Variants in FRMPD2 observed in about 807,000 individuals in gnomAD.
FRMPD2 encodes the protein FERM and PDZ domain containing 2.
Under a neutral mutation model 140.1 loss-of-function variants are expected in FRMPD2, and 96 were observed. The observed-to-expected ratio is 0.69, with a 90% CI of 0.58 to 0.81. The LOEUF is 0.81. Ranked by LOEUF, FRMPD2 falls within the 40% of genes least tolerant of loss-of-function variation. FRMPD2 has a pLI of 0.00. For missense variants in FRMPD2, 1,240 were observed against 1,447.4 expected, an observed-to-expected ratio of 0.86 and a Z score of 2.32; for synonymous variants, 449 against 547.6, an observed-to-expected ratio of 0.82 and a Z score of 2.52.
chr10:48,251,175 C>T (rs1400775901), intron 2 of FRMPD2, among the ~76,000 whole-genome samples: 1 of 152,074 alleles, frequency 6.6e-6, no homozygotes, highest in Non-Finnish European at 1.5e-5. Flanking sequence ...CCTGGGTGAC[C>T]ACACCCTGCC....
rs1472160067 is a variant in FRMPD2 at position 48,192,834 on chromosome 10, G to A, written c.2015C>T (p.Pro672Leu). The change falls in exon 16 of 29, where the codon CCT becomes CTT. Residue 672 changes from proline to leucine, a missense_variant. Pro to Leu is a moderately conservative substitution (Grantham distance 98). This residue lies in a region of FRMPD2 where 1,161 missense variants were observed against 1,055.9 expected (regional missense o/e 1.10). Coordinates refer to ENST00000374201, the MANE Select transcript of FRMPD2 (RefSeq NM_001018071.4). ...LSPAHQARSK[P>L]LIWIQRLSCS... ...TGACAATCTCTGAATCCAAATGAGA[G>A]GCTTAGACCGGGCCTGGTGTGCAGG... 18 of 1,614,172 alleles carry A rather than the reference G, an allele frequency of 1.1e-5. No homozygotes were observed. The highest frequency in any genetic ancestry group is 1.5e-5 in the Non-Finnish European group (18 of 1,180,030).
In FRMPD2 at chr10:48,195,696, T is replaced by G. The variant is rs560246655; in HGVS notation, c.1955-2802A>C. Among the ~76,000 whole-genome samples, 3 of 152,380 alleles carry G rather than the reference T, an allele frequency of 2.0e-5. No homozygotes were observed. The South Asian group carries it at 6.2e-4, about 32-fold the overall frequency. ...TCTTCCAGTGATATTTATCATATTA[T>G]TTGTAATACTTAAAAACAAAAAGTA... is the stretch of plus-strand genomic sequence containing the variant. On this transcript the variant is annotated intron_variant, in intron 15 of 28. Coordinates refer to ENST00000374201, the MANE Select transcript of FRMPD2 (RefSeq NM_001018071.4).
intron 24 of FRMPD2, among the ~76,000 whole-genome samples, chr10:48,174,148 C>T (rs1184516226): frequency 6.6e-6 from 1 of 152,098 alleles, no homozygotes; most frequent in Admixed American, 6.5e-5. Flanking sequence ...CAGAACATTG[C>T]CCCAAGCTTG....
intron 1 of FRMPD2, among the ~76,000 whole-genome samples, chr10:48,259,154 G>A (rs962440074): frequency 6.6e-6 from 1 of 152,166 alleles, no homozygotes; most frequent in Non-Finnish European, 1.5e-5. Flanking sequence ...ACCGCAGTGT[G>A]TATTAGTTGA....
At chr10:48,202,002 C>T (rs906722492) in intron 14 of FRMPD2, among the ~76,000 whole-genome samples, 23 of 151,918 alleles carry the variant, frequency 1.5e-4, no homozygotes, top group African/African-American at 5.3e-4. Context: ...GAAACGCTTC[C>T]CCACATTATA....
chr10:48,171,953 C>T (rs1316481861), intron 25 of FRMPD2, among the ~76,000 whole-genome samples: 1 of 150,150 alleles, frequency 6.7e-6, no homozygotes, highest in African/African-American at 2.5e-5. Flanking sequence ...TTTGTTTACC[C>T]ATGTAGGCTG....
intron 6 of FRMPD2, among the ~76,000 whole-genome samples, chr10:48,239,932 C>T (rs1174348488): frequency 1.3e-5 from 2 of 151,928 alleles, no homozygotes; most frequent in Non-Finnish European, 2.9e-5. Context: ...GTTTTAGAGA[C>T]AACAAACAAT....
At chr10:48,256,802 A>G (rs1023140147) in intron 1 of FRMPD2, among the ~76,000 whole-genome samples, 1 of 152,018 alleles carries the variant, frequency 6.6e-6, no homozygotes, top group Admixed American at 6.5e-5. Flanking sequence ...TGTTTCTCCA[A>G]ACTCCTGGTT....
At chr10:48,165,223 GTC>G (rs1469243411) in intron 27 of FRMPD2, among the ~76,000 whole-genome samples, 19 of 142,904 alleles carry the variant, frequency 1.3e-4, no homozygotes, top group Admixed American at 1.3e-3. Context: ...TTCTCATCTT[GTC>G]TCTCTCTTCA....
Position 48,185,534 on chromosome 10 carries a change from C to T in FRMPD2, c.2359+19G>A. On this transcript the variant is annotated intron_variant, in intron 18 of 28. Transcript: ENST00000374201. ...CCCAGCAGTAGAGACTGGGCCTCAC[C>T]TACAGGGAGCCCTCTTACCAAAACC... 6.3e-7 allele frequency: 1 copy of T among 1,591,058 alleles called. No homozygotes were observed. Among genetic ancestry groups the T allele is most frequent in the East Asian group, 2.2e-5 (1 of 44,768 alleles).
chr10:48,222,601 G>T, intron 11 of FRMPD2, 150 bp from the exon 12 acceptor site: 3 of 799,722 alleles, frequency 3.8e-6, no homozygotes, highest in East Asian at 2.6e-5. Context: ...AGCAAGACAA[G>T]TGTGGTCTCC....
intron 10 of FRMPD2, among the ~76,000 whole-genome samples, chr10:48,229,356 T>C (rs901606478): frequency 2.0e-5 from 3 of 152,208 alleles, no homozygotes; most frequent in Non-Finnish European, 2.9e-5. Context: ...CCAGTGATTC[T>C]ACTTTGATCA....
chr10:48,217,126 C>A (rs543007686), intron 12 of FRMPD2, among the ~76,000 whole-genome samples: 1 of 152,284 alleles, frequency 6.6e-6, no homozygotes, highest in Non-Finnish European at 1.5e-5. Context: ...ACTATACAGT[C>A]CCCTGACAAG....
At chr10:48,260,405 G>A (rs763986931) in intron 1 of FRMPD2, among the ~76,000 whole-genome samples, 119 of 152,118 alleles carry the variant, frequency 7.8e-4, no homozygotes, top group Non-Finnish European at 1.6e-3. Context: ...AGATGTCCCA[G>A]CTCAAGCTGG....
At chr10:48,198,667 G>A (rs899922838) in intron 15 of FRMPD2, among the ~76,000 whole-genome samples, 1 of 152,114 alleles carries the variant, frequency 6.6e-6, no homozygotes, top group African/African-American at 2.4e-5. Context: ...ATTGCTTTGG[G>A]CAATATGGTT....
At chr10:48,252,655 C>T (rs183096165) in intron 1 of FRMPD2, among the ~76,000 whole-genome samples, 104 of 152,300 alleles carry the variant, frequency 6.8e-4, no homozygotes, top group Middle Eastern at 3.4e-3. Context: ...GAGAAAGAGG[C>T]TTGGTCTGCT....
At chr10:48,216,290 G>GGATAGACA (rs1839447006) in intron 12 of FRMPD2, among the ~76,000 whole-genome samples, 2 of 149,676 alleles carry the variant, frequency 1.3e-5, no homozygotes, top group South Asian at 4.3e-4. Context: ...CATAGATGAT[G>GGATAGACA]GATAGATAGA....
intron 9 of FRMPD2, among the ~76,000 whole-genome samples, chr10:48,234,776 C>A (rs1839929447): frequency 6.6e-6 from 1 of 152,144 alleles, no homozygotes; most frequent in African/African-American, 2.4e-5. Flanking sequence ...TAACTAGGGT[C>A]CTAGACCTGG....
At chr10:48,193,563 A>G (rs1456034317) in intron 15 of FRMPD2, among the ~76,000 whole-genome samples, 1 of 152,168 alleles carries the variant, frequency 6.6e-6, no homozygotes, top group African/African-American at 2.4e-5. Flanking sequence ...ATTCACATTG[A>G]TCATAAAAAA....
Sources: gnomAD v4.1 joint callset for allele counts (sites outside exome capture counted in the v4.1 genomes callset) on GRCh38, gnomAD v4.1.1 for gene constraint, gnomAD v4.1.1 regional missense constraint, MANE v1.5 for transcripts, NCBI Gene and HGNC (gene_info 2026-07-23, HGNC 2026-07-21) for gene names.